Variants in KDM4A observed in about 807,000 individuals in gnomAD.
The protein encoded by KDM4A is lysine-specific demethylase 4A.
In KDM4A, 23 loss-of-function variants were observed where a neutral mutation model predicts 127.1. That is an observed-to-expected ratio of 0.18 (90% CI 0.13 to 0.26). The LOEUF (loss-of-function observed/expected upper bound fraction) is 0.26. KDM4A is among the 10% of genes least tolerant of loss of function. The pLI, the probability that KDM4A is intolerant of heterozygous loss-of-function variation, is 1.00. For synonymous variants in KDM4A, 443 were observed against 466.5 expected (o/e 0.95, Z 0.65); for missense variants, 890 against 1,329.1 (o/e 0.67, Z 5.14).
chr1:43,667,734 G>T, intron 8 of KDM4A, 38 bp from the exon 9 acceptor site: 1 of 1,612,948 alleles, frequency 6.2e-7, no homozygotes, highest in Non-Finnish European at 8.5e-7. Context: ...AAGCAGCAAG[G>T]TATGCTCACC....
rs1162504083 is a variant in KDM4A, at chr1:43,694,310, A to C, written c.2484+208A>C. On this transcript the variant is annotated intron_variant, in intron 17 of 21. Transcript: ENST00000372396. The surrounding 1 kb of genome is among the most constrained non-coding windows in gnomAD (Gnocchi z 5.2). ...GGTGGGTGAACCACTTGAGGTCAGG[A>C]GTTCAAGACCAGCCTGGGCAACATG... is the stretch of plus-strand genomic sequence containing the variant. Among the ~76,000 whole-genome samples the C allele has an allele frequency of 6.6e-6, 1 of 152,110 alleles. No homozygotes were observed. Among genetic ancestry groups the C allele is most frequent in the African/African-American group, 2.4e-5 (1 of 41,412 alleles).
chr1:43,690,718 T>C (rs1452903598), intron 13 of KDM4A, 127 bp from the exon 14 acceptor site: 5 of 864,250 alleles, frequency 5.8e-6, no homozygotes, highest in Admixed American at 1.8e-5. Flanking sequence ...GGATAATGGC[T>C]GTGCACCCGG....
chr1:43,704,503 A>G lies in KDM4A; in HGVS notation c.*133A>G. 1 of 989,698 alleles carries G rather than the reference A, an allele frequency of 1.0e-6. No individual in the cohort carries two copies. 61.3% of individuals were successfully genotyped at this position (989,698 alleles called of 1,614,324 possible). A position where few individuals can be genotyped will look rare whatever the true frequency, so the allele number is the denominator to read the frequency against. On this transcript the variant is annotated 3_prime_UTR_variant, in exon 22 of 22. Coordinates refer to ENST00000372396, the MANE Select transcript of KDM4A (RefSeq NM_014663.3). ...AGAAAAGGAATGAAATAACCGACCCATCATCTTCTCACCCACCCTCATTGC... is the reference window on the plus strand; with the variant it reads ...AGAAAAGGAATGAAATAACCGACCCGTCATCTTCTCACCCACCCTCATTGC...
chr1:43,660,491 C>A, intron 4 of KDM4A, 79 bp downstream of exon 4: 3 of 1,514,620 alleles, frequency 2.0e-6, no homozygotes, highest in Non-Finnish European at 2.7e-6. Flanking sequence ...ACGTAGTAGG[C>A]ACCTAAAAGC....
intron 9 of KDM4A, among the ~76,000 whole-genome samples, chr1:43,668,729 T>C (rs1005813938): frequency 2.0e-5 from 3 of 152,202 alleles, no homozygotes; most frequent in Non-Finnish European, 4.4e-5. Flanking sequence ...TGCAGTGCTA[T>C]TGGTGGCTGA....
intron 3 of KDM4A, among the ~76,000 whole-genome samples, chr1:43,657,130 C>T (rs2154046429): frequency 6.6e-6 from 1 of 152,288 alleles, no homozygotes; most frequent in East Asian, 1.9e-4. Context: ...TCAAGCGATC[C>T]TCCTGCCTCA....
chr1:43,672,714 T>C (rs1557910407), intron 11 of KDM4A, among the ~76,000 whole-genome samples: 1 of 152,058 alleles, frequency 6.6e-6, no homozygotes, highest in Non-Finnish European at 1.5e-5. Context: ...CAGGATGGTC[T>C]CGATTTCCTG....
intron 19 of KDM4A, chr1:43,702,394 A>G (rs914216429): frequency 2.0e-5 from 3 of 152,206 alleles, no homozygotes. Context: ...CTGATTACCT[A>G]TTCAGTAAAT....
intron 12 of KDM4A, among the ~76,000 whole-genome samples, chr1:43,685,092 T>A (rs1378116629): frequency 1.3e-5 from 2 of 151,960 alleles, no homozygotes; most frequent in Admixed American, 1.3e-4. Flanking sequence ...ATGAGGCCGA[T>A]CTTGGGGAGG....
rs750493057 is a variant in KDM4A, at chr1:43,690,834, T to C, written c.2038-11T>C. 18 of 1,613,914 alleles carry C rather than the reference T, an allele frequency of 1.1e-5. No homozygotes were observed. The highest frequency in any genetic ancestry group is 1.7e-5 in the Admixed American group (1 of 60,006). ...TGCTCACTGAGGTGTACACTTGTTC[T>C]TTCCCCTTAGGTTGAATTTGGAGGC... On this transcript the variant is annotated splice_polypyrimidine_tract_variant and intron_variant, in intron 13 of 21. Coordinates refer to ENST00000372396, the MANE Select transcript of KDM4A (RefSeq NM_014663.3).
chr1:43,679,987 C>T (rs1375760672), intron 11 of KDM4A, among the ~76,000 whole-genome samples: 1 of 152,138 alleles, frequency 6.6e-6, no homozygotes, highest in Non-Finnish European at 1.5e-5. Context: ...ACTGGTGGGG[C>T]TGCTACTCAT....
At chr1:43,663,122 T>C in intron 5 of KDM4A, 35 bp downstream of exon 5, 1 of 1,578,602 alleles carries the variant, frequency 6.3e-7, no homozygotes, top group African/African-American at 1.3e-5. Flanking sequence ...CGGGCTTCTA[T>C]GCTAGAGCAC....
Position 43,694,577 on chromosome 1 carries a change from A to G in KDM4A, c.2485-132A>G, listed in dbSNP as rs1053323000. 3.0e-5 allele frequency: 21 copies of G among 710,428 alleles called. No homozygotes were observed. Among genetic ancestry groups the G allele is most frequent in the Non-Finnish European group, 3.8e-5 (16 of 422,408 alleles). The allele number at this position is 710,428 out of a possible 1,614,324, so 44.0% of individuals were successfully genotyped here. A position where few individuals can be genotyped will look rare whatever the true frequency, so the allele number is the denominator to read the frequency against. The stretch of plus-strand genomic sequence containing the variant: ...GTTGTAACCAGACCTGGATTAGAGC[A>G]GGCTGGTGTGTCCTTGTATTTTGGG... On this transcript the variant is annotated intron_variant, in intron 17 of 21. Transcript: ENST00000372396. The surrounding 1 kb of genome is among the most constrained non-coding windows in gnomAD (Gnocchi z 5.2).
At chr1:43,672,615 C>T (rs572280628) in intron 11 of KDM4A, among the ~76,000 whole-genome samples, 1 of 152,230 alleles carries the variant, frequency 6.6e-6, no homozygotes, top group East Asian at 1.9e-4. Flanking sequence ...CTGCCTCAGC[C>T]TCCCGAGTAG....
At chr1:43,663,161 A>C in intron 5 of KDM4A, 74 bp downstream of exon 5, 1 of 1,356,036 alleles carries the variant, frequency 7.4e-7, no homozygotes, top group Non-Finnish European at 1.0e-6. Context: ...CGTGGGAAGC[A>C]CCTCAGGATT....
At chr1:43,699,824 G>A (rs1661341330) in intron 19 of KDM4A, 1 of 151,424 alleles carries the variant, frequency 6.6e-6, no homozygotes, top group Non-Finnish European at 1.5e-5. Flanking sequence ...TCACCTCCCA[G>A]GTTCACGCCA....
In KDM4A at chr1:43,667,068, G is replaced by C. The variant is rs763699327; in HGVS notation, c.892G>C (p.Glu298Gln). The C allele has an allele frequency of 6.2e-7, 1 of 1,614,190 alleles. No homozygotes were observed. Among genetic ancestry groups the C allele is most frequent in the South Asian group, 1.1e-5 (1 of 91,088 alleles). The change falls in exon 8 of 22, where the codon GAG (glutamate) becomes CAG (glutamine). Residue 298 changes from glutamate (E) to glutamine (Q), a missense_variant. Around this residue, in one of 7 missense-constraint regions of KDM4A, gnomAD observed 141 missense variants for 273.5 expected, o/e 0.52. Coordinates refer to ENST00000372396, the MANE Select transcript of KDM4A (RefSeq NM_014663.3). ...STNFATRRWI[E>Q]YGKQAVLCSC... The stretch of plus-strand genomic sequence containing the variant: ...CAATTTTGCTACCCGTCGGTGGATT[G>C]AGTACGGCAAGCAAGCTGTGCTGGT...
Position 43,671,446 on chromosome 1 carries a change from C to T in KDM4A, c.1364-59C>T, listed in dbSNP as rs1660615349. The T allele has an allele frequency of 3.4e-6, 5 of 1,485,668 alleles. No homozygotes were observed. The East Asian group carries it at 9.5e-5, about 28-fold the overall frequency. The allele number at this position is 1,485,668 out of a possible 1,614,324, so 92.0% of individuals were successfully genotyped here. A position where few individuals can be genotyped will look rare whatever the true frequency, so the allele number is the denominator to read the frequency against. Reference sequence around the variant, plus strand: ...TCCTTGTGCTTTGCCCTCTGCCTTTCATCAGGTTCACATGTGCAGGAGGAA... The same window carrying T: ...TCCTTGTGCTTTGCCCTCTGCCTTTTATCAGGTTCACATGTGCAGGAGGAA... On this transcript the variant is annotated intron_variant, in intron 10 of 21. Transcript: ENST00000372396.
Position 43,671,937 on chromosome 1 carries a change from GGGATCTGTGTGGGGGAGGGAGGT to G in KDM4A, c.1734+74_1734+96del, listed in dbSNP as rs765803651. 102 of 1,497,834 alleles carry G rather than the reference GGGATCTGTGTGGGGGAGGGAGGT, an allele frequency of 6.8e-5. No individual in the cohort carries two copies. In the Admixed American group the frequency reaches 7.9e-4, roughly 12 times the overall value. The allele number at this position is 1,497,834 out of a possible 1,614,324, so 92.8% of individuals were successfully genotyped here. On this transcript the variant is annotated intron_variant, in intron 11 of 21. Transcript: ENST00000372396. ...GCCCTGGAGGACACCCTGTCGGGAGGGGATCTGTGTGGGGGAGGGAGGTGGATCTGTGTGATGGAGGTGCTGCA... is the reference window on the plus strand; with the variant it reads ...GCCCTGGAGGACACCCTGTCGGGAGGGGATCTGTGTGATGGAGGTGCTGCA...
Sources: allele counts gnomAD v4.1 joint callset (sites outside exome capture counted in the v4.1 genomes callset), GRCh38; gene constraint gnomAD v4.1.1; regional missense constraint gnomAD v4.1.1; non-coding constraint Gnocchi (gnomAD v3.1); transcripts MANE v1.5; gene names NCBI Gene and HGNC (gene_info 2026-07-23, HGNC 2026-07-21).